EYS: variants seen among roughly 807,000 people sequenced by gnomAD.
The protein encoded by EYS is EGF-like photoreceptor maintenance factor.
Under a neutral mutation model 282.1 loss-of-function variants are expected in EYS, and 250 were observed. The ratio of observed to expected loss-of-function variants is 0.89; its 90% CI spans 0.80 to 0.98. The LOEUF is 0.98. EYS is among the 50% of genes least tolerant of loss of function. EYS has a pLI of 0.00. For missense variants in EYS, 4,016 were observed against 3,709.0 expected (o/e 1.08, Z -2.15); for synonymous variants, 1,355 against 1,282.9 (o/e 1.06, Z -1.20).
intron 34 of EYS, among the ~76,000 whole-genome samples, chr6:63,988,525 G>A (rs1293630883): frequency 6.6e-6 from 1 of 151,590 alleles, no homozygotes; most frequent in Non-Finnish European, 1.5e-5. Flanking sequence ...AGATGTTGTT[G>A]GCTGCACACA....
intron 33 of EYS, among the ~76,000 whole-genome samples, chr6:64,045,463 G>T (rs1039598163): frequency 1.5e-5 from 2 of 130,298 alleles, no homozygotes; most frequent in Non-Finnish European, 3.4e-5. Flanking sequence ...TTTATTTTTT[G>T]AGAGAGAGTT....
chr6:65,572,619 G>A (rs77672596), intron 2 of EYS, among the ~76,000 whole-genome samples: 5,538 of 152,122 alleles, frequency 0.036, 267 homozygotes, highest in African/African-American at 0.11. Flanking sequence ...TATATAAGAT[G>A]GTGATCAGAG....
intron 12 of EYS, among the ~76,000 whole-genome samples, chr6:65,234,573 T>C (rs1766873094): frequency 6.6e-6 from 1 of 152,210 alleles, no homozygotes; most frequent in African/African-American, 2.4e-5. Flanking sequence ...GATTAATTGA[T>C]TTGTGATTTT....
At chr6:64,232,176 C>T (rs535114885) in intron 30 of EYS, among the ~76,000 whole-genome samples, 51 of 152,182 alleles carry the variant, frequency 3.4e-4, no homozygotes, top group Non-Finnish European at 6.5e-4. Flanking sequence ...ACAGATTGTA[C>T]CAATATATTT....
chr6:65,438,470 C>T (rs539114542), intron 5 of EYS, among the ~76,000 whole-genome samples: 1 of 152,146 alleles, frequency 6.6e-6, no homozygotes, highest in Non-Finnish European at 1.5e-5. Context: ...TACAGTCCCA[C>T]CAACAGTGTA....
chr6:64,334,195 C>A lies in EYS; in HGVS notation c.6079-27113G>T, dbSNP rs139213655. ...CCCAACATTAAATCAATCATAGTACCAATTAGATGCTCCAACTGTTTGGAG... is the reference window on the plus strand; with the variant it reads ...CCCAACATTAAATCAATCATAGTACAAATTAGATGCTCCAACTGTTTGGAG... On this transcript the variant is annotated intron_variant, in intron 29 of 42. Coordinates refer to ENST00000503581, the MANE Select transcript of EYS (RefSeq NM_001142800.2). Among the ~76,000 whole-genome samples the A allele has an allele frequency of 1.3e-4, 20 of 152,136 alleles. No individual in the cohort carries two copies. The East Asian group carries it at 3.5e-3, about 26-fold the overall frequency.
At chr6:65,647,497 C>T (rs1767492836) in intron 1 of EYS, among the ~76,000 whole-genome samples, 1 of 152,254 alleles carries the variant, frequency 6.6e-6, no homozygotes, top group Non-Finnish European at 1.5e-5. Flanking sequence ...TCATCTCTCA[C>T]CTTATATAAA....
At chr6:63,955,490 C>T (rs1245211692) in intron 35 of EYS, among the ~76,000 whole-genome samples, 1 of 152,158 alleles carries the variant, frequency 6.6e-6, no homozygotes, top group South Asian at 2.1e-4. Flanking sequence ...ATTCTTATGC[C>T]ACCCTCTACC....
intron 26 of EYS, among the ~76,000 whole-genome samples, chr6:64,563,988 C>T (rs1765482751): frequency 6.6e-6 from 1 of 151,606 alleles, no homozygotes; most frequent in African/African-American, 2.4e-5. Context: ...ATGGATTCAA[C>T]ATTTAGTTCA....
At chr6:65,035,910 T>A (rs1271951473) in intron 13 of EYS, among the ~76,000 whole-genome samples, 1 of 147,604 alleles carries the variant, frequency 6.8e-6, no homozygotes, top group Non-Finnish European at 1.5e-5. Flanking sequence ...ATTTTTATAT[T>A]ATAGTGTTAT....
chr6:65,314,055 G>C (rs1201066761), intron 11 of EYS, among the ~76,000 whole-genome samples: 3 of 152,006 alleles, frequency 2.0e-5, no homozygotes, highest in African/African-American at 4.8e-5. Flanking sequence ...TCCCCACTTA[G>C]TGCCTTTCCA....
intron 26 of EYS, among the ~76,000 whole-genome samples, chr6:64,469,795 C>A (rs1221482138): frequency 6.6e-6 from 1 of 152,012 alleles, no homozygotes; most frequent in South Asian, 2.1e-4. Context: ...CCACAGTTAT[C>A]CAGAGGCCTA....
chr6:65,591,423 A>G (rs1765230579), intron 2 of EYS, among the ~76,000 whole-genome samples: 1 of 151,862 alleles, frequency 6.6e-6, no homozygotes, highest in South Asian at 2.1e-4. Context: ...TCCATAATGT[A>G]AGGAACATAT....
At position 63,937,340 on chromosome 6, in the gene EYS, CTTTTCTTTTTTTTTTTTTTTTTTTT is replaced by C. The variant is rs1765090623; in HGVS notation, c.7055+47018_7055+47042del. Among the ~76,000 whole-genome samples the C allele has an allele frequency of 1.7e-3, 78 of 46,084 alleles. 1 individual carries two copies. The highest frequency in any genetic ancestry group is 3.4e-3 in the African/African-American group (50 of 14,616). The allele number at this position is 46,084 out of a possible 152,430, so 30.2% of individuals were successfully genotyped here. The stretch of plus-strand genomic sequence containing the variant: ...AGATCCAAATTTTCTAGGCTTCTCT[CTTTTCTTTTTTTTTTTTTTTTTTTT>C]TTTTTTTTTTTTTTTTTTTTTTTTT... On this transcript the variant is annotated intron_variant, in intron 35 of 42. Transcript: ENST00000503581.
At chr6:64,110,917 G>A (rs1773182628) in intron 31 of EYS, among the ~76,000 whole-genome samples, 2 of 151,982 alleles carry the variant, frequency 1.3e-5, no homozygotes, top group South Asian at 4.1e-4. Context: ...CAGGGCTAGG[G>A]AGTAAGGAAT....
intron 2 of EYS, among the ~76,000 whole-genome samples, chr6:65,543,501 T>C (rs1768260121): frequency 1.3e-5 from 2 of 148,988 alleles, no homozygotes; most frequent in South Asian, 4.2e-4. Flanking sequence ...ATATATAAAA[T>C]TATATTATAG....
At chr6:65,374,622 C>T (rs1039623739) in intron 8 of EYS, among the ~76,000 whole-genome samples, 2 of 152,012 alleles carry the variant, frequency 1.3e-5, no homozygotes, top group African/African-American at 2.4e-5. Context: ...GGTCCCACTC[C>T]CTTAAGTCCA....
intron 12 of EYS, among the ~76,000 whole-genome samples, chr6:65,275,141 A>G (rs1768011964): frequency 6.6e-6 from 1 of 152,150 alleles, no homozygotes; most frequent in Non-Finnish European, 1.5e-5. Flanking sequence ...AACGGCAGTG[A>G]CAGGCATTCT....
At chr6:65,239,255 C>A (rs1235233831) in intron 12 of EYS, among the ~76,000 whole-genome samples, 5 of 151,914 alleles carry the variant, frequency 3.3e-5, no homozygotes, top group Non-Finnish European at 1.5e-5. Flanking sequence ...ACAATTACCA[C>A]AATTTTTAAA....
Sources: gnomAD v4.1 joint callset for allele counts (sites outside exome capture counted in the v4.1 genomes callset) on GRCh38, gnomAD v4.1.1 for gene constraint, MANE v1.5 for transcripts, NCBI Gene and HGNC (gene_info 2026-07-23, HGNC 2026-07-21) for gene names.